The following FBXO11 variants were observed in gnomAD, a reference collection of about 807,000 sequenced individuals.
FBXO11 encodes the protein F-box protein 11.
A neutral mutation model predicts 117.0 loss-of-function variants in FBXO11; 13 were observed. That is an observed-to-expected ratio of 0.11 (90% confidence interval 0.07 to 0.18). The LOEUF (loss-of-function observed/expected upper bound fraction) is 0.18, where lower values mean the gene tolerates loss of function less well. Ranked by LOEUF, FBXO11 falls within the 10% of genes least tolerant of loss-of-function variation. FBXO11 has a pLI of 1.00. For synonymous variants in FBXO11, 490 were observed against 380.5 expected (o/e 1.29, Z -3.35); for missense variants, 767 against 1,164.4 (o/e 0.66, Z 4.97).
At chr2:47,862,052 ACGGGCGCAC>A (rs1674819065) in intron 1 of FBXO11, among the ~76,000 whole-genome samples, 1 of 151,932 alleles carries the variant, frequency 6.6e-6, no homozygotes, top group African/African-American at 2.4e-5. Flanking sequence ...GGCTGGGATT[ACGGGCGCAC>A]GCTACCATGC....
At chr2:47,833,164 T>C in intron 7 of FBXO11, 94 bp from the exon 8 acceptor site, 1 of 744,034 alleles carries the variant, frequency 1.3e-6, no homozygotes, top group Non-Finnish European at 2.3e-6. Context: ...ACATTAGTAC[T>C]GAGTAGTGGG....
At chr2:47,819,241 G>A (rs543350981) in intron 14 of FBXO11, among the ~76,000 whole-genome samples, 163 bp from the exon 15 acceptor site, 3 of 152,240 alleles carry the variant, frequency 2.0e-5, no homozygotes, top group East Asian at 3.9e-4. Flanking sequence ...TTTTGAAATG[G>A]AGTCTCGCTC....
chr2:47,841,891 G>A (rs554920346), intron 1 of FBXO11, among the ~76,000 whole-genome samples: 31 of 151,938 alleles, frequency 2.0e-4, no homozygotes, highest in African/African-American at 7.0e-4. Context: ...CCCCCACCTC[G>A]GCCTCCCAAA....
intron 1 of FBXO11, among the ~76,000 whole-genome samples, chr2:47,870,465 A>C (rs968209779): frequency 2.0e-5 from 3 of 152,188 alleles, no homozygotes; most frequent in African/African-American, 7.2e-5. Context: ...ATTCAATAGG[A>C]CTAGTGTCCT....
chr2:47,856,488 A>T (rs1176374902), intron 1 of FBXO11, among the ~76,000 whole-genome samples: 3 of 152,196 alleles, frequency 2.0e-5, no homozygotes, highest in Non-Finnish European at 4.4e-5. Context: ...CTGGGAATGA[A>T]ATGTCCTTGA....
intron 1 of FBXO11, among the ~76,000 whole-genome samples, chr2:47,875,195 T>C (rs540320468): frequency 6.6e-6 from 1 of 152,280 alleles, no homozygotes; most frequent in African/African-American, 2.4e-5. Context: ...TAATTGTAAG[T>C]TGTATTCTTC....
At chr2:47,883,848 C>T (rs1676617115) in intron 1 of FBXO11, 2 of 192,010 alleles carry the variant, frequency 1.0e-5, no homozygotes, top group Admixed American at 4.9e-5. Flanking sequence ...TTACAGCAAG[C>T]CACTTTGACA....
At chr2:47,864,404 A>G (rs186251046) in intron 1 of FBXO11, among the ~76,000 whole-genome samples, 1 of 152,206 alleles carries the variant, frequency 6.6e-6, no homozygotes. Context: ...CCTGGCCAAC[A>G]TGGCAAAACC....
At chr2:47,841,247 A>ATTG (rs1672991367) in intron 1 of FBXO11, among the ~76,000 whole-genome samples, 1 of 152,190 alleles carries the variant, frequency 6.6e-6, no homozygotes, top group Non-Finnish European at 1.5e-5. Context: ...ACACCAAATA[A>ATTG]GCAAACACTT....
At chr2:47,858,446 C>T (rs1011718268) in intron 1 of FBXO11, among the ~76,000 whole-genome samples, 1 of 151,044 alleles carries the variant, frequency 6.6e-6, no homozygotes, top group Non-Finnish European at 1.5e-5. Context: ...CTTTGGGAGG[C>T]CAAGGTGGGC....
chr2:47,883,673 T>C (rs1268981686), intron 1 of FBXO11: 1 of 266,848 alleles, frequency 3.7e-6, no homozygotes, highest in Non-Finnish European at 7.7e-6. Flanking sequence ...TGTTGAGACT[T>C]TGTGATGTTA....
intron 4 of FBXO11, among the ~76,000 whole-genome samples, chr2:47,836,271 A>C (rs1269617035): frequency 6.6e-6 from 1 of 152,168 alleles, no homozygotes; most frequent in Non-Finnish European, 1.5e-5. Flanking sequence ...GATTATGGGC[A>C]TGTGTCACCA....
chr2:47,815,228 A>G (rs926498399), intron 16 of FBXO11, among the ~76,000 whole-genome samples: 2 of 152,148 alleles, frequency 1.3e-5, no homozygotes. Flanking sequence ...ATGTGATTGG[A>G]CACAAAGGAT....
At chr2:47,853,665 T>C (rs1270768478) in intron 1 of FBXO11, among the ~76,000 whole-genome samples, 1 of 152,194 alleles carries the variant, frequency 6.6e-6, no homozygotes, top group African/African-American at 2.4e-5. Context: ...ATCTATAAAA[T>C]GGAGATAATC....
chr2:47,834,371 G>T (rs1672406264), intron 7 of FBXO11, among the ~76,000 whole-genome samples: 1 of 151,854 alleles, frequency 6.6e-6, no homozygotes, highest in Non-Finnish European at 1.5e-5. Flanking sequence ...AAAGGTTGGG[G>T]GGGGCGGGGA....
intron 1 of FBXO11, among the ~76,000 whole-genome samples, chr2:47,877,642 A>T (rs556196317): frequency 1.3e-5 from 2 of 151,674 alleles, no homozygotes; most frequent in African/African-American, 4.8e-5. Flanking sequence ...CATTTTCTCC[A>T]TCTCTCACTC....
chr2:47,832,152 C>T (rs1672242028), intron 11 of FBXO11, among the ~76,000 whole-genome samples, 197 bp downstream of exon 11: 1 of 152,102 alleles, frequency 6.6e-6, no homozygotes, highest in African/African-American at 2.4e-5. Flanking sequence ...AACGCTATCA[C>T]CTCTACATGG....
rs1678818993 is a variant in FBXO11 at position 47,906,410 on chromosome 2, C to T, written c.-690G>A. On this transcript the variant is annotated 5_prime_UTR_variant, in exon 1 of 23. Transcript: ENST00000403359. ...CCTCCTCCTTAAAGGAACCTTTCCT[C>T]CTCCTCCTCGTCAGCCCTGTCGCCG... Among the ~76,000 whole-genome samples, 1 of 152,158 alleles carries T rather than the reference C, an allele frequency of 6.6e-6. No individual in the cohort carries two copies. Among genetic ancestry groups the T allele is most frequent in the Non-Finnish European group, 1.5e-5 (1 of 68,018 alleles).
intron 19 of FBXO11, chr2:47,810,071 T>C: frequency 2.0e-6 from 1 of 503,346 alleles, no homozygotes; most frequent in South Asian, 3.2e-5. Flanking sequence ...CCTGCATTTA[T>C]TCTATCCCAA....
Sources: gnomAD v4.1 joint callset for allele counts (sites outside exome capture counted in the v4.1 genomes callset) on GRCh38, gnomAD v4.1.1 for gene constraint, MANE v1.5 for transcripts, NCBI Gene and HGNC (gene_info 2026-07-23, HGNC 2026-07-21) for gene names.